PLEKHG1: variants seen among roughly 807,000 people sequenced by gnomAD.
PLEKHG1 encodes the protein pleckstrin homology domain-containing family G member 1.
A neutral mutation model predicts 100.8 loss-of-function variants in PLEKHG1; 44 were observed. The observed-to-expected ratio is 0.44, with a 90% confidence interval of 0.34 to 0.56. PLEKHG1 has a LOEUF of 0.56. Among genes scored for constraint, PLEKHG1 ranks in the 20% least tolerant of loss-of-function variants. PLEKHG1 has a pLI of 0.01. For missense variants in PLEKHG1, 1,545 were observed against 1,720.9 expected (o/e 0.90, Z 1.81); for synonymous variants, 640 against 662.5 (o/e 0.97, Z 0.52).
intron 3 of PLEKHG1, among the ~76,000 whole-genome samples, chr6:150,706,766 G>T (rs1020168029): frequency 2.0e-5 from 3 of 151,858 alleles, no homozygotes; most frequent in Non-Finnish European, 2.9e-5. Context: ...GTTTTCAAAA[G>T]AACTGATAGG....
At chr6:150,616,380 A>G (rs1417859096) in intron 1 of PLEKHG1, among the ~76,000 whole-genome samples, 1 of 152,210 alleles carries the variant, frequency 6.6e-6, no homozygotes, top group Non-Finnish European at 1.5e-5. Context: ...GAGAAAAGGA[A>G]GGTACCATTA....
intron 2 of PLEKHG1, among the ~76,000 whole-genome samples, chr6:150,644,686 TA>T (rs1451719054): frequency 2.0e-5 from 3 of 152,286 alleles, no homozygotes; most frequent in South Asian, 2.1e-4. Context: ...TTTCCAAATA[TA>T]TTTTTTTAAG....
intron 2 of PLEKHG1, among the ~76,000 whole-genome samples, chr6:150,639,556 T>C (rs908781726): frequency 2.0e-5 from 3 of 152,168 alleles, no homozygotes; most frequent in Non-Finnish European, 2.9e-5. Flanking sequence ...TTTTTTTTTT[T>C]TATTTTGAAA....
At position 150,806,502 on chromosome 6, in the gene PLEKHG1, T is replaced by C. The variant is rs151075431; in HGVS notation, c.912+1761T>C. ...GAGTTCGAGATCAGCCTGGCCAACA[T>C]GGTGAAACCCTGTCTCTACTGAAAA... On this transcript the variant is annotated intron_variant, in intron 7 of 15. Coordinates refer to ENST00000358517, the Ensembl canonical transcript of PLEKHG1. Among the ~76,000 whole-genome samples, 469 of 151,944 alleles carry C rather than the reference T, an allele frequency of 3.1e-3. 2 individuals are homozygous for C. The highest frequency in any genetic ancestry group is 0.02 in the Middle Eastern group (6 of 294).
At chr6:150,757,204 GT>G in intron 2 of PLEKHG1, among the ~76,000 whole-genome samples, 1 of 152,112 alleles carries the variant, frequency 6.6e-6, no homozygotes, top group Non-Finnish European at 1.5e-5. Context: ...GTTTTACCAT[GT>G]TGGTCAGGCT....
At chr6:150,625,130 T>A (rs1777456962) in intron 1 of PLEKHG1, among the ~76,000 whole-genome samples, 1 of 146,590 alleles carries the variant, frequency 6.8e-6, no homozygotes, top group Non-Finnish European at 1.5e-5. Flanking sequence ...AGCTACAGAG[T>A]GAGACTCCAT....
chr6:150,610,184 G>A lies in PLEKHG1; in HGVS notation c.-204+10167G>A, dbSNP rs145346173. The stretch of plus-strand genomic sequence containing the variant: ...TGGTGCGATCTCAGCTCACTGCAAC[G>A]TCTGCCTCCTGGGTTCAAGCGATTT... On this transcript the variant is annotated intron_variant, in intron 1 of 3. Transcript: ENST00000367326. 1.1e-4 allele frequency among the ~76,000 whole-genome samples: 16 copies of A among 152,116 alleles called. No homozygotes were observed. The East Asian group carries it at 2.7e-3, about 26-fold the overall frequency.
At chr6:150,804,572 A>C in intron 6 of PLEKHG1, 38 bp from the exon 8 acceptor site, 1 of 1,465,016 alleles carries the variant, frequency 6.8e-7, no homozygotes, top group East Asian at 2.3e-5. Flanking sequence ...TGAAAATAAA[A>C]TGAAAAAAAA....
intron 15 of PLEKHG1, among the ~76,000 whole-genome samples, chr6:150,835,063 G>A (rs1363482144): frequency 6.6e-6 from 1 of 152,124 alleles, no homozygotes; most frequent in Non-Finnish European, 1.5e-5. Context: ...GGTGCTGTGC[G>A]GAAGGAGGAG....
intron 3 of PLEKHG1, chr6:150,663,196 C>T (rs1483286461): frequency 6.6e-6 from 1 of 152,070 alleles, no homozygotes; most frequent in African/African-American, 2.4e-5. Flanking sequence ...ACAAATTATC[C>T]ATGTTTTGAG....
At chr6:150,603,600 A>G (rs969614306) in intron 1 of PLEKHG1, among the ~76,000 whole-genome samples, 1 of 152,180 alleles carries the variant, frequency 6.6e-6, no homozygotes. Flanking sequence ...TCCAGTGATT[A>G]GGAGTTGACT....
At chr6:150,611,292 G>A (rs887166736) in intron 1 of PLEKHG1, among the ~76,000 whole-genome samples, 2 of 152,218 alleles carry the variant, frequency 1.3e-5, no homozygotes, top group Non-Finnish European at 2.9e-5. Context: ...TGAGAAGTCT[G>A]TGTTTGTTAT....
chr6:150,746,684 C>T (rs1215189185), intron 2 of PLEKHG1, among the ~76,000 whole-genome samples: 1 of 152,206 alleles, frequency 6.6e-6, no homozygotes, highest in Non-Finnish European at 1.5e-5. Context: ...AATATTCTTG[C>T]ATAAACTATA....
intron 10 of PLEKHG1, 56 bp downstream of exon 11, chr6:150,809,790 AC>A: frequency 7.4e-7 from 1 of 1,344,190 alleles, no homozygotes; most frequent in Non-Finnish European, 1.1e-6. Flanking sequence ...AATCATTTGA[AC>A]CTGGGAGGTG....
chr6:150,630,080 G>A (rs746553207), intron 1 of PLEKHG1, among the ~76,000 whole-genome samples: 9 of 152,098 alleles, frequency 5.9e-5, no homozygotes, highest in Non-Finnish European at 1.0e-4. Flanking sequence ...ATATTTGAAC[G>A]GTACTGCCCA....
At chr6:150,759,074 T>C (rs114952470) in intron 2 of PLEKHG1, among the ~76,000 whole-genome samples, 19 of 152,206 alleles carry the variant, frequency 1.2e-4, no homozygotes, top group African/African-American at 4.3e-4. Flanking sequence ...GACTTGTCCA[T>C]AAAGAGGGAT....
chr6:150,676,131 A>G lies in PLEKHG1; in HGVS notation c.-99+25345A>G, dbSNP rs1027727436. Among the ~76,000 whole-genome samples the G allele has an allele frequency of 2.6e-5, 4 of 152,234 alleles. No homozygotes were observed. The South Asian group carries it at 6.2e-4, about 24-fold the overall frequency. ...AATTGAAAAGGGCAAAGATGCACAT[A>G]TTTATTGATATGAAGTTTAAAACCT... On this transcript the variant is annotated intron_variant, in intron 3 of 3. Coordinates refer to the PLEKHG1 transcript ENST00000367326.
intron 3 of PLEKHG1, among the ~76,000 whole-genome samples, chr6:150,689,323 A>G (rs941039230): frequency 2.0e-5 from 3 of 152,116 alleles, no homozygotes; most frequent in African/African-American, 7.2e-5. Context: ...TCCTTTAAGT[A>G]TTTTTCAACC....
intron 10 of PLEKHG1, among the ~76,000 whole-genome samples, chr6:150,814,373 C>T (rs1470788635): frequency 2.6e-5 from 4 of 152,208 alleles, no homozygotes; most frequent in Non-Finnish European, 4.4e-5. Context: ...CAGGAAGTTC[C>T]CTTTAAGTAT....
Sources: gnomAD v4.1 joint callset for allele counts (sites outside exome capture counted in the v4.1 genomes callset) on GRCh38, gnomAD v4.1.1 for gene constraint, MANE v1.5 for transcripts, NCBI Gene and HGNC (gene_info 2026-07-23, HGNC 2026-07-21) for gene names.